RIF1: variants seen among roughly 807,000 people sequenced by gnomAD.
The protein encoded by RIF1 is replication timing regulatory factor 1.
RIF1 carries 45 observed loss-of-function variants against 247.1 expected under a neutral mutation model. The observed-to-expected ratio is 0.18, with a 90% CI of 0.14 to 0.23. The LOEUF (loss-of-function observed/expected upper bound fraction) is 0.23, where lower values mean the gene tolerates loss of function less well. RIF1 is among the 10% of genes least tolerant of loss of function. The probability of loss-of-function intolerance (pLI) is 1.00; values close to 1 mark genes in which losing one functional copy is unlikely to be tolerated. For synonymous variants in RIF1, 1,087 were observed against 978.8 expected (o/e 1.11, Z -2.06); for missense variants, 2,967 against 2,862.5 (o/e 1.04, Z -0.83).
the RIF1 span, chr2:151,526,930 T>G: frequency 1.3e-6 from 2 of 1,592,278 alleles, no homozygotes; most frequent in Non-Finnish European, 1.7e-6. Flanking sequence ...CACTTTCTAT[T>G]AAAGTATTCC....
At chr2:151,454,404 T>G (rs1312598390) in intron 21 of RIF1, among the ~76,000 whole-genome samples, 1 of 152,176 alleles carries the variant, frequency 6.6e-6, no homozygotes, top group Admixed American at 6.5e-5. Flanking sequence ...CTTTCTCAGC[T>G]TTGTATCTCT....
At chr2:151,512,966 A>G, downstream of RIF1, 1 of 658,840 alleles carries the variant, frequency 1.5e-6, no homozygotes, top group Non-Finnish European at 2.7e-6. Context: ...TTCAACAGAT[A>G]TTTCTTCCTA....
chr2:151,509,024 T>G (rs1278986111), downstream of RIF1, among the ~76,000 whole-genome samples: 1 of 152,228 alleles, frequency 6.6e-6, no homozygotes, highest in Non-Finnish European at 1.5e-5. Flanking sequence ...AAGTTTTAGT[T>G]TGTAGGGCTG....
At chr2:151,428,746 A>C in intron 8 of RIF1, 38 bp from the exon 9 acceptor site, 2 of 1,504,086 alleles carry the variant, frequency 1.3e-6, no homozygotes, top group Non-Finnish European at 1.8e-6. Context: ...TGTTTCATGC[A>C]GATAAATAAC....
Position 151,482,102 on chromosome 2 carries a change from A to T in RIF1, c.*7031A>T, listed in dbSNP as rs963367467. The T allele has an allele frequency of 6.6e-6, 1 of 152,226 alleles. No individual in the cohort carries two copies. The highest frequency in any genetic ancestry group is 6.5e-5 in the Admixed American group (1 of 15,282). 9.4% of individuals were successfully genotyped at this position (152,226 alleles called of 1,614,324 possible). A position where few individuals can be genotyped will look rare whatever the true frequency, so the allele number is the denominator to read the frequency against. On this transcript the variant is annotated 3_prime_UTR_variant, in exon 36 of 36. Coordinates refer to ENST00000444746, the MANE Select transcript of RIF1 (RefSeq NM_018151.5). ...GAGGGTTAACTGTTATCACTTGCCAATGGAAACTGGATATTGAAACATTTT... is the reference window on the plus strand; with the variant it reads ...GAGGGTTAACTGTTATCACTTGCCATTGGAAACTGGATATTGAAACATTTT...
In RIF1 at chr2:151,464,228, G is replaced by A. The variant is rs1466334732; in HGVS notation, c.4708G>A (p.Gly1570Arg). The A allele has an allele frequency of 6.2e-7, 1 of 1,613,700 alleles. No homozygotes were observed. Among genetic ancestry groups the A allele is most frequent in the Non-Finnish European group, 8.5e-7 (1 of 1,179,944 alleles). ...KEEGSRKKRS[G>R]KWKNKSNESV... ...AGAAGGTTCTAGGAAGAAGAGATCTGGAAAATGGAAAAACAAAAGCAATGA... is the reference window on the plus strand; with the variant it reads ...AGAAGGTTCTAGGAAGAAGAGATCTAGAAAATGGAAAAACAAAAGCAATGA... The change falls in exon 30 of 36, where the codon GGA becomes AGA. Residue 1570 changes from glycine (G) to arginine (R), a missense_variant. This residue lies in a region of RIF1 where 2,028 missense variants were observed against 1,825.6 expected (regional missense o/e 1.11). Coordinates refer to ENST00000444746, the MANE Select transcript of RIF1 (RefSeq NM_018151.5).
chr2:151,531,892 T>G, the RIF1 span: 1 of 1,540,316 alleles, frequency 6.5e-7, no homozygotes, highest in Non-Finnish European at 8.8e-7. Flanking sequence ...TTTCCTGTAT[T>G]TGATCTAAAT....
intron 12 of RIF1, chr2:151,503,232 AACAC>A (rs1454504654): frequency 1.3e-5 from 10 of 765,662 alleles, no homozygotes; most frequent in East Asian, 5.3e-5. Context: ...AATAATACAC[AACAC>A]ACACAGACAC....
chr2:151,415,563 C>CAAAA (rs3040729), intron 4 of RIF1, among the ~76,000 whole-genome samples: 1,175 of 44,762 alleles, frequency 0.026, 146 homozygotes, highest in African/African-American at 0.039. Flanking sequence ...GACTCTGTCT[C>CAAAA]AAAAAAAAAA....
Position 151,489,668 on chromosome 2 carries a change from A to AT in RIF1, c.*416-5559dup, listed in dbSNP as rs546864597. 2.0e-5 allele frequency among the ~76,000 whole-genome samples: 3 copies of AT among 152,322 alleles called. No individual in the cohort carries two copies. In the South Asian group the frequency reaches 6.2e-4, roughly 32 times the overall value. On this transcript the variant is annotated intron_variant and NMD_transcript_variant, in intron 9 of 13. Transcript: ENST00000454583. ...TGCATCAGCGTCCCAAAGTGCTGGC[A>AT]TTATAGGCATGATTCACTATGCCCA...
In RIF1 at chr2:151,420,242, A is replaced by G. The variant is rs770147397; in HGVS notation, c.556A>G (p.Lys186Glu). ...QMGEEAVRWA[K>E]LVIPLVVHSA... ...GGGAGAAGAGGCAGTGAGGTGGGCAAAACTGGTCATACCTTTAGTGGTTCA... is the reference window on the plus strand; with the variant it reads ...GGGAGAAGAGGCAGTGAGGTGGGCAGAACTGGTCATACCTTTAGTGGTTCA... The change falls in exon 7 of 36, where the codon AAA (lysine) becomes GAA (glutamate). Residue 186 changes from lysine (K) to glutamate (E), a missense_variant. Coordinates refer to ENST00000444746, the MANE Select transcript of RIF1 (RefSeq NM_018151.5). 36 of 1,614,152 alleles carry G rather than the reference A, an allele frequency of 2.2e-5. No individual in the cohort carries two copies. In the Admixed American group the frequency reaches 2.8e-4, roughly 13 times the overall value.
At chr2:151,518,272 G>A in the RIF1 span, 1 of 1,328,614 alleles carries the variant, frequency 7.5e-7, no homozygotes, top group Non-Finnish European at 1.1e-6. Flanking sequence ...ACATTGTACT[G>A]TGGATGAATG....
At chr2:151,456,038 T>C (rs1270003189) in intron 22 of RIF1, among the ~76,000 whole-genome samples, 3 of 152,170 alleles carry the variant, frequency 2.0e-5, no homozygotes, top group Admixed American at 2.0e-4. Context: ...ATTGAATTAA[T>C]TTTGCATCAC....
At chr2:151,524,453 G>A in the RIF1 span, 8 of 1,612,342 alleles carry the variant, frequency 5.0e-6, no homozygotes, top group Non-Finnish European at 6.8e-6. Context: ...ACAGGTGATG[G>A]TTGCCTGGCA....
chr2:151,464,807 A>G lies in RIF1; in HGVS notation c.5287A>G (p.Lys1763Glu). 6.2e-7 allele frequency: 1 copy of G among 1,614,018 alleles called. No individual in the cohort carries two copies. Among genetic ancestry groups the G allele is most frequent in the South Asian group, 1.1e-5 (1 of 91,034 alleles). Residue 1763 changes from lysine to glutamate, a missense_variant, in exon 30 of 36, where the codon AAA becomes GAA. Transcript: ENST00000444746. ...TAATGACGTAGAGATTAGTGAAACA[A>G]AAAAGGCAGATGTGCAAGCACCTGT... ...ENNDVEISETKKADVQAPVSP... is the reference protein window; with the variant it reads ...ENNDVEISETEKADVQAPVSP...
At chr2:151,429,472 C>T (rs993837807) in intron 9 of RIF1, among the ~76,000 whole-genome samples, 3 of 152,112 alleles carry the variant, frequency 2.0e-5, no homozygotes, top group African/African-American at 7.2e-5. Flanking sequence ...GAGCCACTGC[C>T]CCCAGCCTAT....
At chr2:151,455,210 A>G (rs776696501) in intron 22 of RIF1, 51 bp downstream of exon 22, 1 of 1,364,984 alleles carries the variant, frequency 7.3e-7, no homozygotes, top group Admixed American at 2.3e-5. Context: ...CAATTTAAAT[A>G]TAGGTAGCAA....
chr2:151,462,785 G>T, intron 29 of RIF1, 99 bp from the exon 30 acceptor site: 1 of 811,922 alleles, frequency 1.2e-6, no homozygotes, highest in African/African-American at 1.7e-5. Context: ...GATTATCTTT[G>T]GGTTACCGAA....
downstream of RIF1, among the ~76,000 whole-genome samples, chr2:151,509,416 A>G (rs1015654427): frequency 6.6e-6 from 1 of 152,170 alleles, no homozygotes; most frequent in African/African-American, 2.4e-5. Flanking sequence ...TTCCAAGATT[A>G]AGCAAAAGCT....
Sources: allele counts gnomAD v4.1 joint callset (sites outside exome capture counted in the v4.1 genomes callset), GRCh38; gene constraint gnomAD v4.1.1; regional missense constraint gnomAD v4.1.1; transcripts MANE v1.5; gene names NCBI Gene and HGNC (gene_info 2026-07-23, HGNC 2026-07-21).